KLHL32: variants seen among roughly 807,000 people sequenced by gnomAD.
KLHL32 encodes kelch like family member 32.
A neutral mutation model predicts 64.8 loss-of-function variants in KLHL32; 35 were observed. The ratio of observed to expected loss-of-function variants is 0.54; its 90% confidence interval spans 0.41 to 0.72. The LOEUF (loss-of-function observed/expected upper bound fraction) is 0.72, where lower values mean the gene tolerates loss of function less well. KLHL32 is among the 30% of genes least tolerant of loss of function. The pLI, the probability that KLHL32 is intolerant of heterozygous loss-of-function variation, is 0.00. For missense variants in KLHL32, 589 were observed against 768.5 expected (o/e 0.77, Z 2.76); for synonymous variants, 259 against 281.0 (o/e 0.92, Z 0.78).
intron 3 of KLHL32, among the ~76,000 whole-genome samples, chr6:96,986,884 C>G (rs555178930): frequency 1.4e-4 from 21 of 152,306 alleles, no homozygotes; most frequent in African/African-American, 5.1e-4. Flanking sequence ...CTGTCCTGCA[C>G]CCACTTCCTG....
chr6:96,954,882 T>G (rs1773072926), intron 1 of KLHL32, among the ~76,000 whole-genome samples: 1 of 152,214 alleles, frequency 6.6e-6, no homozygotes, highest in Non-Finnish European at 1.5e-5. Flanking sequence ...TTAGCCAGCT[T>G]GGGCTGTTAT....
At chr6:97,093,243 G>T (rs1794519399) in intron 6 of KLHL32, among the ~76,000 whole-genome samples, 1 of 152,162 alleles carries the variant, frequency 6.6e-6, no homozygotes, top group African/African-American at 2.4e-5. Context: ...TAGCGTAGAA[G>T]TCCATCAATA....
chr6:97,048,670 C>T (rs1786324774), intron 4 of KLHL32, among the ~76,000 whole-genome samples: 3 of 152,062 alleles, frequency 2.0e-5, no homozygotes, highest in South Asian at 2.1e-4. Flanking sequence ...AAACTGTATT[C>T]CCCACAGCAG....
intron 3 of KLHL32, among the ~76,000 whole-genome samples, chr6:96,978,286 C>T (rs1242542110): frequency 6.6e-6 from 1 of 152,014 alleles, no homozygotes; most frequent in African/African-American, 2.4e-5. Flanking sequence ...CAATTTTCTC[C>T]CTTCCCCCAA....
At chr6:97,116,395 G>A (rs944681148) in intron 7 of KLHL32, among the ~76,000 whole-genome samples, 3 of 151,986 alleles carry the variant, frequency 2.0e-5, no homozygotes, top group African/African-American at 7.3e-5. Flanking sequence ...CTAACAGAAG[G>A]AACAGATCTG....
chr6:96,915,563 T>G, the KLHL32 span, among the ~76,000 whole-genome samples: 1 of 152,152 alleles, frequency 6.6e-6, no homozygotes, highest in African/African-American at 2.4e-5. Context: ...GCACTGATCT[T>G]GGGAGATAAA....
intron 7 of KLHL32, among the ~76,000 whole-genome samples, chr6:97,117,034 A>G (rs968165379): frequency 1.3e-5 from 2 of 152,206 alleles, no homozygotes; most frequent in African/African-American, 4.8e-5. Flanking sequence ...AGAAGAGGAA[A>G]TCGCCAGTGA....
chr6:96,976,225 T>G, intron 3 of KLHL32, 48 bp downstream of exon 3: 1 of 1,464,576 alleles, frequency 6.8e-7, no homozygotes, highest in Non-Finnish European at 9.2e-7. Context: ...AAAGAGAGGA[T>G]GACAATGTTT....
At chr6:96,914,838 G>A in the KLHL32 span, 1 of 152,120 alleles carries the variant, frequency 6.6e-6, no homozygotes, top group South Asian at 2.1e-4. Context: ...GCAACCTGGT[G>A]GTTCCCTGTT....
chr6:96,982,036 G>T (rs1438477357), intron 3 of KLHL32, among the ~76,000 whole-genome samples: 1 of 152,006 alleles, frequency 6.6e-6, no homozygotes, highest in East Asian at 1.9e-4. Flanking sequence ...GTTGTTTTTG[G>T]ATGAGGAGTT....
At chr6:97,088,649 A>G (rs1006839447) in intron 6 of KLHL32, among the ~76,000 whole-genome samples, 1 of 152,172 alleles carries the variant, frequency 6.6e-6, no homozygotes, top group Non-Finnish European at 1.5e-5. Flanking sequence ...AATTAATTTG[A>G]TTGTGGTAAT....
chr6:96,982,922 A>T (rs964373637), intron 3 of KLHL32, among the ~76,000 whole-genome samples: 10 of 152,262 alleles, frequency 6.6e-5, no homozygotes, highest in Non-Finnish European at 1.3e-4. Flanking sequence ...ACTATGTTCA[A>T]TAGGAGTGGT....
chr6:97,082,469 C>T (rs573211528), intron 5 of KLHL32, among the ~76,000 whole-genome samples: 24 of 152,066 alleles, frequency 1.6e-4, no homozygotes, highest in East Asian at 1.2e-3. Flanking sequence ...GAAAATTAGC[C>T]GGGCATGGTG....
At chr6:97,011,019 A>G (rs1257920470) in intron 3 of KLHL32, among the ~76,000 whole-genome samples, 1 of 152,230 alleles carries the variant, frequency 6.6e-6, no homozygotes, top group Non-Finnish European at 1.5e-5. Context: ...GCTCAGAAGA[A>G]GGTTCTATTT....
chr6:96,989,716 C>T (rs1307528281), intron 3 of KLHL32, among the ~76,000 whole-genome samples: 1 of 152,070 alleles, frequency 6.6e-6, no homozygotes, highest in Admixed American at 6.5e-5. Context: ...TTTTTCTCCC[C>T]CCCTCTCTTC....
At chr6:96,930,031 A>G (rs1372134114) in intron 1 of KLHL32, among the ~76,000 whole-genome samples, 1 of 152,214 alleles carries the variant, frequency 6.6e-6, no homozygotes, top group East Asian at 1.9e-4. Flanking sequence ...CATGCCAGAT[A>G]AGCCAGTACC....
chr6:97,139,171 A>C lies in KLHL32; in HGVS notation c.1752A>C (p.Thr584=). 6.2e-7 allele frequency: 1 copy of C among 1,613,908 alleles called. No homozygotes were observed. The highest frequency in any genetic ancestry group is 8.5e-7 in the Non-Finnish European group (1 of 1,179,924). ...AAGAAGAAGTATTCTATGGGCCTACACTCCCTTTTGCTTCCAATGGAATAG... is the reference window on the plus strand; with the variant it reads ...AAGAAGAAGTATTCTATGGGCCTACCCTCCCTTTTGCTTCCAATGGAATAG... The part of the protein sequence containing the change: ...EGKEEVFYGP[T]LPFASNGIAA... Residue 584 remains threonine (T), a synonymous_variant, in exon 11 of 11, where the codon ACA becomes ACC. Coordinates refer to ENST00000369261, the MANE Select transcript of KLHL32 (RefSeq NM_052904.4).
intron 6 of KLHL32, chr6:97,105,343 C>A (rs1796265083): frequency 4.6e-6 from 2 of 431,404 alleles, no homozygotes; most frequent in South Asian, 3.5e-5. Context: ...CTTCTTGTTG[C>A]CCAAGAGCTC....
intron 1 of KLHL32, among the ~76,000 whole-genome samples, chr6:96,949,392 A>C (rs899750793): frequency 6.6e-6 from 1 of 152,034 alleles, no homozygotes; most frequent in East Asian, 1.9e-4. Flanking sequence ...ACTTGTTATC[A>C]TTGTTCATTT....
Sources: allele counts gnomAD v4.1 joint callset (sites outside exome capture counted in the v4.1 genomes callset), GRCh38; gene constraint gnomAD v4.1.1; transcripts MANE v1.5; gene names NCBI Gene and HGNC (gene_info 2026-07-23, HGNC 2026-07-21).